The following BBS7 variants were observed in gnomAD, a reference collection of about 807,000 sequenced individuals.
The protein encoded by BBS7 is BBSome complex member BBS7.
A neutral mutation model predicts 90.3 loss-of-function variants in BBS7; 50 were observed. That is an observed-to-expected ratio of 0.55 (90% CI 0.44 to 0.70). BBS7 has a LOEUF of 0.70. Among genes scored for constraint, BBS7 ranks in the 30% least tolerant of loss-of-function variants. The probability of loss-of-function intolerance (pLI) is 0.00; values close to 1 mark genes in which losing one functional copy is unlikely to be tolerated. For synonymous variants in BBS7, 235 were observed against 287.4 expected, an observed-to-expected ratio of 0.82 and a Z score of 1.85; for missense variants, 729 against 838.9, an observed-to-expected ratio of 0.87 and a Z score of 1.62.
chr4:121,825,342 T>G lies in BBS7; in HGVS notation c.*518A>C, dbSNP rs556935490. ...CATAGTAACCAGGACACAAAGCAAG[T>G]ACCAGTACTTGGGTTCTGGTCCCAG... On this transcript the variant is annotated 3_prime_UTR_variant, in exon 19 of 19. Coordinates refer to ENST00000264499, the MANE Select transcript of BBS7 (RefSeq NM_176824.3). The G allele has an allele frequency of 6.5e-6, 1 of 152,812 alleles. No homozygotes were observed. Among genetic ancestry groups the G allele is most frequent in the East Asian group, 1.9e-4 (1 of 5,208 alleles). 9.5% of individuals were successfully genotyped at this position (152,812 alleles called of 1,614,324 possible).
intron 1 of BBS7, 50 bp downstream of exon 1, chr4:121,870,228 C>T: frequency 6.2e-7 from 1 of 1,610,380 alleles, no homozygotes; most frequent in Non-Finnish European, 8.5e-7. Flanking sequence ...GAATCCTCTC[C>T]GGGTGCTGGG....
Position 121,870,375 on chromosome 4 carries a change from C to A in BBS7, c.-62G>T. 2 of 1,595,162 alleles carry A rather than the reference C, an allele frequency of 1.3e-6. No individual in the cohort carries two copies. Among genetic ancestry groups the A allele is most frequent in the Non-Finnish European group, 1.7e-6 (2 of 1,163,350 alleles). The stretch of plus-strand genomic sequence containing the variant: ...GAACAGGAGGGACAGAGGCTTCGGG[C>A]CCGCAGGCCTCCGACCCAGTCAGAA... On this transcript the variant is annotated 5_prime_UTR_variant, in exon 1 of 19. Coordinates refer to ENST00000264499, the MANE Select transcript of BBS7 (RefSeq NM_176824.3).
chr4:121,854,221 T>C (rs1367460211), intron 7 of BBS7, among the ~76,000 whole-genome samples: 1 of 152,218 alleles, frequency 6.6e-6, no homozygotes, highest in Admixed American at 6.5e-5. Flanking sequence ...AATAAGTATT[T>C]GTTGAAGGAA....
At position 121,863,288 on chromosome 4, in the gene BBS7, G is replaced by T; in HGVS notation, c.103-9C>A. 6.2e-7 allele frequency: 1 copy of T among 1,606,982 alleles called. No homozygotes were observed. The highest frequency in any genetic ancestry group is 8.5e-7 in the Non-Finnish European group (1 of 1,174,200). ...TGATCTCCAATAACCACCTGTAATA[G>T]ATGGAAGATAATCTAAAATTACTAT... On this transcript the variant is annotated splice_polypyrimidine_tract_variant and intron_variant, in intron 2 of 18. Transcript: ENST00000264499.
At chr4:121,861,480 T>C in intron 4 of BBS7, 24 bp downstream of exon 4, 1 of 1,603,486 alleles carries the variant, frequency 6.2e-7, no homozygotes, top group South Asian at 1.1e-5. Flanking sequence ...TATGTAAAAA[T>C]ACAAAAGAGA....
At position 121,852,293 on chromosome 4, in the gene BBS7, CTT is replaced by C. The variant is rs777399355; in HGVS notation, c.849+661_849+662del. On this transcript the variant is annotated intron_variant, in intron 8 of 18. Transcript: ENST00000264499. ...CTCAGTTGACACTGAGTTGTGAACT[CTT>C]TTTTTTCTTTAAGTTTAATAGCCTC... 2.4e-4 allele frequency among the ~76,000 whole-genome samples: 36 copies of C among 151,974 alleles called. 1 individual carries two copies. The highest frequency in any genetic ancestry group is 2.3e-3 in the South Asian group (11 of 4,816).
intron 14 of BBS7, among the ~76,000 whole-genome samples, chr4:121,834,361 GA>G (rs1235859656): frequency 5.9e-5 from 9 of 152,176 alleles, no homozygotes; most frequent in Admixed American, 2.0e-4. Context: ...AAGCAAGACA[GA>G]AAGAGTCTGT....
chr4:121,868,096 G>C (rs769336262), intron 1 of BBS7, 50 bp from the exon 2 acceptor site: 4 of 1,447,524 alleles, frequency 2.8e-6, no homozygotes, highest in Non-Finnish European at 3.9e-6. Context: ...AGTTATTACA[G>C]AGATTAAAAT....
In BBS7 at chr4:121,854,784, T is replaced by C; in HGVS notation, c.638A>G (p.Asp213Gly). ...AATCTGTATAAGCGCAAGTTTTCCG[T>C]CTGATGTCCCAAACAAAAGGTCTTC... ...SGEDLLFGTS[D>G]GKLALIQITT... The change falls in exon 7 of 19, where the codon GAC becomes GGC. Residue 213 changes from aspartate (D) to glycine (G), a missense_variant. Asp to Gly is a moderately conservative substitution (Grantham distance 94). Coordinates refer to ENST00000264499, the MANE Select transcript of BBS7 (RefSeq NM_176824.3). The C allele has an allele frequency of 6.2e-7, 1 of 1,612,778 alleles. No individual in the cohort carries two copies. The highest frequency in any genetic ancestry group is 8.5e-7 in the Non-Finnish European group (1 of 1,179,154).
At chr4:121,850,169 G>T (rs1209639154) in intron 8 of BBS7, among the ~76,000 whole-genome samples, 3 of 149,384 alleles carry the variant, frequency 2.0e-5, no homozygotes, top group Non-Finnish European at 1.5e-5. Flanking sequence ...TTTTGTTTTT[G>T]TTTGGTTTTT....
chr4:121,851,328 G>A (rs1218305854), intron 8 of BBS7, among the ~76,000 whole-genome samples: 7 of 150,544 alleles, frequency 4.6e-5, no homozygotes, highest in Admixed American at 1.3e-4. Flanking sequence ...TAAAAAAATC[G>A]GGGCTACTCT....
intron 13 of BBS7, among the ~76,000 whole-genome samples, chr4:121,837,856 G>GGTGTGATTATAGGTCA (rs1204794152): frequency 2.4e-4 from 36 of 152,162 alleles, no homozygotes; most frequent in African/African-American, 8.4e-4. Context: ...TATAATCCCA[G>GGTGTGATTATAGGTCA]CACTTTGGGA....
chr4:121,839,247 T>C (rs904699323), intron 13 of BBS7, among the ~76,000 whole-genome samples: 1 of 151,936 alleles, frequency 6.6e-6, no homozygotes, highest in Admixed American at 6.6e-5. Context: ...TTGAAAAAAA[T>C]TTTTCAGTTA....
At chr4:121,863,414 C>T in intron 2 of BBS7, 135 bp from the exon 3 acceptor site, 1 of 699,302 alleles carries the variant, frequency 1.4e-6, no homozygotes, top group Non-Finnish European at 2.3e-6. Context: ...AAGACACCCC[C>T]ACAAAAAATA....
intron 14 of BBS7, 55 bp from the exon 15 acceptor site, chr4:121,833,450 A>G (rs1053505227): frequency 3.3e-6 from 5 of 1,497,928 alleles, no homozygotes; most frequent in East Asian, 4.5e-5. Context: ...TGAAAGTATT[A>G]TATGTACACG....
intron 8 of BBS7, 54 bp from the exon 9 acceptor site, chr4:121,848,982 T>C (rs1726163950): frequency 1.5e-6 from 2 of 1,351,176 alleles, no homozygotes; most frequent in East Asian, 2.3e-5. Flanking sequence ...TCCACAGATA[T>C]ATTAAAATAA....
Position 121,825,752 on chromosome 4 carries a change from A to G in BBS7, c.*108T>C. The G allele has an allele frequency of 9.0e-7, 1 of 1,106,184 alleles. No individual in the cohort carries two copies. The highest frequency in any genetic ancestry group is 1.3e-6 in the Non-Finnish European group (1 of 791,122). 68.5% of individuals were successfully genotyped at this position (1,106,184 alleles called of 1,614,324 possible). On this transcript the variant is annotated 3_prime_UTR_variant, in exon 19 of 19. Coordinates refer to ENST00000264499, the MANE Select transcript of BBS7 (RefSeq NM_176824.3). The stretch of plus-strand genomic sequence containing the variant: ...CATTATATCTCAAATATTTTTAGAT[A>G]TAAAAAAGCATTTGAAATTAAAGTA...
At chr4:121,864,945 T>G (rs1356920697) in intron 2 of BBS7, among the ~76,000 whole-genome samples, 1 of 152,192 alleles carries the variant, frequency 6.6e-6, no homozygotes. Context: ...AACTATATAT[T>G]GTTAACTATA....
At chr4:121,827,817 G>C in intron 18 of BBS7, 1 of 979,342 alleles carries the variant, frequency 1.0e-6, no homozygotes, top group Non-Finnish European at 1.2e-6. Flanking sequence ...ACAATTATTT[G>C]TGTGAAATAC....
Sources: allele counts gnomAD v4.1 joint callset (sites outside exome capture counted in the v4.1 genomes callset), GRCh38; gene constraint gnomAD v4.1.1; transcripts MANE v1.5; gene names NCBI Gene and HGNC (gene_info 2026-07-23, HGNC 2026-07-21).